Variants in HS6ST3 observed in about 807,000 individuals in gnomAD.
The protein encoded by HS6ST3 is heparan sulfate 6-O-sulfotransferase 3.
Under a neutral mutation model 36.7 loss-of-function variants are expected in HS6ST3, and 12 were observed. The observed-to-expected ratio is 0.33, with a 90% CI of 0.21 to 0.53. The LOEUF is 0.53. HS6ST3 is among the 20% of genes least tolerant of loss of function. The pLI is 0.95. For synonymous variants in HS6ST3, 240 were observed against 257.5 expected, an observed-to-expected ratio of 0.93 and a Z score of 0.65; for missense variants, 584 against 640.9, an observed-to-expected ratio of 0.91 and a Z score of 0.96.
At chr13:96,817,075 T>C (rs1477600658) in intron 1 of HS6ST3, among the ~76,000 whole-genome samples, 1 of 152,016 alleles carries the variant, frequency 6.6e-6, no homozygotes, top group Non-Finnish European at 1.5e-5. Context: ...GCTCTCAGCA[T>C]GAGTTAAATA....
At chr13:96,483,563 G>A (rs1230065630) in intron 1 of HS6ST3, among the ~76,000 whole-genome samples, 1 of 152,138 alleles carries the variant, frequency 6.6e-6, no homozygotes, top group Non-Finnish European at 1.5e-5. Context: ...GCTTTATTTT[G>A]AAAGAAGAAT....
At chr13:96,604,936 G>A (rs193068509) in intron 1 of HS6ST3, among the ~76,000 whole-genome samples, 70 of 152,228 alleles carry the variant, frequency 4.6e-4, no homozygotes, top group Admixed American at 7.2e-4. Flanking sequence ...TAGATTCTCT[G>A]AAATAGAATT....
intron 1 of HS6ST3, among the ~76,000 whole-genome samples, chr13:96,185,673 C>G (rs2054261679): frequency 6.6e-6 from 1 of 152,138 alleles, no homozygotes; most frequent in Admixed American, 6.5e-5. Flanking sequence ...GGCTGATATA[C>G]CAAAACACAC....
At chr13:96,146,924 G>T (rs1205140205) in intron 1 of HS6ST3, among the ~76,000 whole-genome samples, 1 of 152,168 alleles carries the variant, frequency 6.6e-6, no homozygotes, top group Non-Finnish European at 1.5e-5. Flanking sequence ...TTGACTTGGA[G>T]AATTCAGCTG....
intron 1 of HS6ST3, among the ~76,000 whole-genome samples, chr13:96,653,209 A>G (rs190415612): frequency 6.6e-6 from 1 of 151,788 alleles, no homozygotes; most frequent in East Asian, 1.9e-4. Context: ...TTCTTTTTAT[A>G]TATTTTTTTT....
rs935604574 is a variant in HS6ST3, at chr13:96,291,676, G to A, written c.707+200107G>A. 7.9e-5 allele frequency among the ~76,000 whole-genome samples: 12 copies of A among 152,198 alleles called. No homozygotes were observed. In the East Asian group the frequency reaches 1.5e-3, roughly 20 times the overall value. On this transcript the variant is annotated intron_variant, in intron 1 of 1. Coordinates refer to ENST00000376705, the MANE Select transcript of HS6ST3 (RefSeq NM_153456.4). ...TTTCGTTTAATAATATGAAGTTATC[G>A]AAATATTGTTTTGTGCTGTGATGAA...
At chr13:96,301,213 TACAGTTAA>T (rs2054880111) in intron 1 of HS6ST3, among the ~76,000 whole-genome samples, 1 of 152,204 alleles carries the variant, frequency 6.6e-6, no homozygotes, top group African/African-American at 2.4e-5. Context: ...TCCTCCTATA[TACAGTTAA>T]ACAAAACAAA....
At position 96,090,846 on chromosome 13, in the gene HS6ST3, G is replaced by C. The variant is rs2053757907; in HGVS notation, c.-17G>C. The C allele has an allele frequency of 6.8e-7, 1 of 1,480,246 alleles. No homozygotes were observed. Among genetic ancestry groups the C allele is most frequent in the Non-Finnish European group, 9.0e-7 (1 of 1,110,018 alleles). 91.7% of individuals were successfully genotyped at this position (1,480,246 alleles called of 1,614,324 possible). The stretch of plus-strand genomic sequence containing the variant: ...CGCCGCCGCCGCCGCTTCGCCTGCC[G>C]GCCTGAGAGCGGGACCATGGATGAA... On this transcript the variant is annotated 5_prime_UTR_variant, in exon 1 of 2. Coordinates refer to ENST00000376705, the MANE Select transcript of HS6ST3 (RefSeq NM_153456.4).
intron 1 of HS6ST3, among the ~76,000 whole-genome samples, chr13:96,213,450 G>A (rs1373788140): frequency 6.6e-6 from 1 of 152,102 alleles, no homozygotes; most frequent in Admixed American, 6.5e-5. Flanking sequence ...TACTATGACA[G>A]CTGAGCTGAA....
chr13:96,155,571 C>G (rs963506415), intron 1 of HS6ST3, among the ~76,000 whole-genome samples: 1 of 102,878 alleles, frequency 9.7e-6, no homozygotes, highest in South Asian at 4.2e-4. Context: ...GTGAGTTTTC[C>G]TTTAAAAAAG....
chr13:96,785,003 AC>A (rs1271588082), intron 1 of HS6ST3, among the ~76,000 whole-genome samples: 1 of 152,078 alleles, frequency 6.6e-6, no homozygotes, highest in Non-Finnish European at 1.5e-5. Flanking sequence ...ACCTGTCTCT[AC>A]GAAAAATACA....
At chr13:96,412,436 TTG>T (rs2055512770) in intron 1 of HS6ST3, among the ~76,000 whole-genome samples, 1 of 152,148 alleles carries the variant, frequency 6.6e-6, no homozygotes, top group Admixed American at 6.5e-5. Context: ...GGGAGAGTTT[TTG>T]TAAAGAAAAG....
intron 1 of HS6ST3, among the ~76,000 whole-genome samples, chr13:96,559,382 G>A (rs9584385): frequency 0.098 from 14,914 of 152,092 alleles, 1,378 homozygotes; most frequent in African/African-American, 0.25. Flanking sequence ...GCCTCCCAAA[G>A]TGCTAGGATT....
chr13:96,784,863 T>C (rs1877607168), intron 1 of HS6ST3, among the ~76,000 whole-genome samples: 1 of 152,096 alleles, frequency 6.6e-6, no homozygotes, highest in Non-Finnish European at 1.5e-5. Context: ...AATGTAAAAA[T>C]CAGTATTCAA....
chr13:96,783,734 G>A lies in HS6ST3; in HGVS notation c.708-48756G>A, dbSNP rs181556150. Among the ~76,000 whole-genome samples, 350 of 152,068 alleles carry A rather than the reference G, an allele frequency of 2.3e-3. 2 individuals are homozygous for A. Among genetic ancestry groups the A allele is most frequent in the Non-Finnish European group, 3.4e-3 (234 of 67,986 alleles). ...TGGGGGCTGAGCAATGCAATTTTCAGCCATGAGGACTCTTAGATAGGAAGA... is the reference window on the plus strand; with the variant it reads ...TGGGGGCTGAGCAATGCAATTTTCAACCATGAGGACTCTTAGATAGGAAGA... On this transcript the variant is annotated intron_variant, in intron 1 of 1. Coordinates refer to ENST00000376705, the MANE Select transcript of HS6ST3 (RefSeq NM_153456.4).
intron 1 of HS6ST3, among the ~76,000 whole-genome samples, chr13:96,242,972 T>C (rs1365251049): frequency 6.6e-6 from 1 of 152,228 alleles, no homozygotes; most frequent in Non-Finnish European, 1.5e-5. Flanking sequence ...GAAAATGTGG[T>C]ATACACATAC....
At chr13:96,678,846 A>C (rs2056708404) in intron 1 of HS6ST3, among the ~76,000 whole-genome samples, 1 of 152,026 alleles carries the variant, frequency 6.6e-6, no homozygotes. Flanking sequence ...TTCATTATTC[A>C]TTTATTTTTC....
chr13:96,502,276 G>A lies in HS6ST3; in HGVS notation c.708-330214G>A, dbSNP rs572315317. Among the ~76,000 whole-genome samples, 9 of 151,978 alleles carry A rather than the reference G, an allele frequency of 5.9e-5. No individual in the cohort carries two copies. The South Asian group carries it at 1.2e-3, about 21-fold the overall frequency. On this transcript the variant is annotated intron_variant, in intron 1 of 1. Transcript: ENST00000376705. ...AGGCAATCAGTAAGTATTAATTGAC[G>A]GATTTGATTTCTACAGCTTTCTGGT...
intron 1 of HS6ST3, among the ~76,000 whole-genome samples, chr13:96,291,216 G>A (rs1024972110): frequency 2.6e-5 from 4 of 151,838 alleles, no homozygotes; most frequent in South Asian, 2.1e-4. Flanking sequence ...CATTCAATAC[G>A]TAATCCTTAG....
Sources: gnomAD v4.1 joint callset for allele counts (sites outside exome capture counted in the v4.1 genomes callset) on GRCh38, gnomAD v4.1.1 for gene constraint, MANE v1.5 for transcripts, NCBI Gene and HGNC (gene_info 2026-07-23, HGNC 2026-07-21) for gene names.